DMPK: variants seen among roughly 807,000 people sequenced by gnomAD.
DMPK encodes the protein DM1 protein kinase.
Under a neutral mutation model 70.3 loss-of-function variants are expected in DMPK, and 32 were observed. The ratio of observed to expected loss-of-function variants is 0.46; its 90% CI spans 0.34 to 0.61. The LOEUF (loss-of-function observed/expected upper bound fraction) is 0.61, where lower values mean the gene tolerates loss of function less well. Ranked by LOEUF, DMPK falls within the 20% of genes least tolerant of loss-of-function variation. The pLI is 0.01. For synonymous variants in DMPK, 469 were observed against 390.9 expected (o/e 1.20, Z -2.36); for missense variants, 899 against 886.0 (o/e 1.01, Z -0.19).
At position 45,777,847 on chromosome 19, in the gene DMPK, G is replaced by T; in HGVS notation, c.702C>A (p.Thr234=). The change falls in exon 7 of 15, where the codon ACC becomes ACA. Residue 234 remains threonine (T), a synonymous_variant. Transcript: ENST00000291270. This position sits in a 1 kb window ranked among gnomAD's most constrained non-coding sequence, Gnocchi z 6.7. ...GTVRSLVAVG[T]PDYLSPEILQ... ...GGATCTCGGGGGACAGGTAGTCTGG[G>T]GTGCCCACAGCCACCAGCGACCGCA... 1 of 1,610,294 alleles carries T rather than the reference G, an allele frequency of 6.2e-7. No individual in the cohort carries two copies.
Position 45,782,372 on chromosome 19 carries a change from G to A in DMPK, c.-20C>T. 6.5e-7 allele frequency: 1 copy of A among 1,545,930 alleles called. No individual in the cohort carries two copies. The highest frequency in any genetic ancestry group is 8.7e-7 in the Non-Finnish European group (1 of 1,145,562). ...TGACATGTTGGACAGGCAGCACCAT[G>A]GCCCCTCCCCGGGCCGGGGGCTCGG... On this transcript the variant is annotated 5_prime_UTR_variant, in exon 1 of 15. Transcript: ENST00000291270.
chr19:45,782,456 G>A lies in DMPK; in HGVS notation c.-104C>T. 7.6e-7 allele frequency: 1 copy of A among 1,307,234 alleles called. No individual in the cohort carries two copies. The highest frequency in any genetic ancestry group is 2.7e-5 in the East Asian group (1 of 37,340). 81.0% of individuals were successfully genotyped at this position (1,307,234 alleles called of 1,614,324 possible). ...CCAGGCCCTGGAGCCCTGGCTGCATGTCTGCCTGTCCCTGGCTGTCCCCTG... is the reference window on the plus strand; with the variant it reads ...CCAGGCCCTGGAGCCCTGGCTGCATATCTGCCTGTCCCTGGCTGTCCCCTG... On this transcript the variant is annotated 5_prime_UTR_variant, in exon 1 of 15. Coordinates refer to ENST00000291270, the MANE Select transcript of DMPK (RefSeq NM_004409.5).
In DMPK at chr19:45,778,160, G is replaced by A. The variant is rs367743734; in HGVS notation, c.642C>T (p.Phe214=). 1.2e-4 allele frequency: 194 copies of A among 1,613,464 alleles called. No individual in the cohort carries two copies. The highest frequency in any genetic ancestry group is 2.2e-4 in the Admixed American group (13 of 59,954). ...CTGCCCGCAGCTTGAGGCAAGAGCC[G>A]AAGTCGGCCAGGCGGATGTGGCCAC... The part of the protein sequence containing the change: ...DRCGHIRLAD[F]GSCLKLRADG... Residue 214 remains phenylalanine (F), a synonymous_variant, in exon 6 of 15, where the codon TTC becomes TTT. Transcript: ENST00000291270.
Position 45,771,676 on chromosome 19 carries a change from G to T in DMPK, c.1503-11C>A, listed in dbSNP as rs759063685. 1.2e-6 allele frequency: 2 copies of T among 1,613,800 alleles called. No individual in the cohort carries two copies. Reference sequence around the variant, plus strand: ...GCCTCGCGTAGTTGACTGTGGGGAGGTAAGGACGGTGAGTCCGTCCGGGCC... The same window carrying T: ...GCCTCGCGTAGTTGACTGTGGGGAGTTAAGGACGGTGAGTCCGTCCGGGCC... On this transcript the variant is annotated splice_polypyrimidine_tract_variant and intron_variant, in intron 11 of 14. Transcript: ENST00000291270.
At chr19:45,773,438 G>A (rs1045842737) in intron 9 of DMPK, among the ~76,000 whole-genome samples, 1 of 152,146 alleles carries the variant, frequency 6.6e-6, no homozygotes, top group African/African-American at 2.4e-5. Context: ...AGTAATAAAA[G>A]CTGACTAGAA....
intron 6 of DMPK, 107 bp downstream of exon 6, chr19:45,778,020 G>T: frequency 1.6e-6 from 2 of 1,235,654 alleles, no homozygotes; most frequent in Non-Finnish European, 2.3e-6. Flanking sequence ...TTAAGCCTGG[G>T]TCACACCACC....
At chr19:45,781,744 G>A (rs1442790848) in intron 1 of DMPK, among the ~76,000 whole-genome samples, 1 of 152,174 alleles carries the variant, frequency 6.6e-6, no homozygotes, top group Non-Finnish European at 1.5e-5. Flanking sequence ...CCTGCCTGTC[G>A]GCTGCGCCCC....
At position 45,776,513 on chromosome 19, in the gene DMPK, G is replaced by T. The variant is rs776994468; in HGVS notation, c.1146+814C>A. The stretch of plus-strand genomic sequence containing the variant: ...GAGTCTCTCTCCGTTGCCCAGGCTG[G>T]AGTGCAGTGGCACAATCACAGCTCA... On this transcript the variant is annotated intron_variant, in intron 8 of 14. Transcript: ENST00000291270. The T allele has an allele frequency of 8.3e-4, 130 of 156,410 alleles. 1 individual carries two copies. The highest frequency in any genetic ancestry group is 1.6e-3 in the Non-Finnish European group (114 of 70,390). 9.7% of individuals were successfully genotyped at this position (156,410 alleles called of 1,614,324 possible).
At position 45,770,562 on chromosome 19, in the gene DMPK, A is replaced by C; in HGVS notation, c.1816T>G (p.Cys606Gly). Residue 606 changes from cysteine to glycine, a missense_variant, in exon 15 of 15, where the codon TGC becomes GGC. Cys to Gly is a radical substitution (Grantham distance 159). This residue lies in a region of DMPK where 555 missense variants were observed against 483.8 expected (regional missense o/e 1.15). Transcript: ENST00000291270. ...CCGGCGTGGGCCACCAACCCAATGC[A>C]GCCCAGGGCGGCGGCACGAGACAGA... ...VVLSRAAALG[C>G]IGLVAHAGQL... The C allele has an allele frequency of 6.4e-7, 1 of 1,551,296 alleles. No individual in the cohort carries two copies. The highest frequency in any genetic ancestry group is 8.7e-7 in the Non-Finnish European group (1 of 1,147,190).
In DMPK at chr19:45,777,662, C is replaced by T. The variant is rs751225267; in HGVS notation, c.882+5G>A. ...GAGGCCAGGTCTCCCTGCGGCCGTG[C>T]TCACCTTGTAGTGGACGATCTTGCC... On this transcript the variant is annotated splice_donor_5th_base_variant and intron_variant, in intron 7 of 14. Coordinates refer to ENST00000291270, the MANE Select transcript of DMPK (RefSeq NM_004409.5). This position sits in a 1 kb window ranked among gnomAD's most constrained non-coding sequence, Gnocchi z 6.7. The T allele has an allele frequency of 1.2e-6, 2 of 1,613,952 alleles. No homozygotes were observed. The highest frequency in any genetic ancestry group is 1.7e-6 in the Non-Finnish European group (2 of 1,180,024).
At position 45,782,476 on chromosome 19, in the gene DMPK, C is replaced by A; in HGVS notation, c.-124G>T. The A allele has an allele frequency of 8.8e-7, 1 of 1,135,706 alleles. No homozygotes were observed. The highest frequency in any genetic ancestry group is 1.2e-6 in the Non-Finnish European group (1 of 833,894). The allele number at this position is 1,135,706 out of a possible 1,614,324, so 70.4% of individuals were successfully genotyped here. ...TGCATGTCTGCCTGTCCCTGGCTGTCCCCTGGGCCTCTCTGGCCACTTCTC... is the reference window on the plus strand; with the variant it reads ...TGCATGTCTGCCTGTCCCTGGCTGTACCCTGGGCCTCTCTGGCCACTTCTC... On this transcript the variant is annotated 5_prime_UTR_variant, in exon 1 of 15. Coordinates refer to ENST00000291270, the MANE Select transcript of DMPK (RefSeq NM_004409.5).
At chr19:45,781,406 G>A (rs1028180463) in intron 1 of DMPK, among the ~76,000 whole-genome samples, 12 of 152,124 alleles carry the variant, frequency 7.9e-5, no homozygotes, top group African/African-American at 2.4e-4. Flanking sequence ...GCCCTTGCAA[G>A]AAGGGGTTTT....
At chr19:45,781,752 C>CCCTGGCAGCTGCCCCATGCTGGCCCT (rs1970133151) in intron 1 of DMPK, among the ~76,000 whole-genome samples, 1 of 152,222 alleles carries the variant, frequency 6.6e-6, no homozygotes, top group Non-Finnish European at 1.5e-5. Context: ...TCGGCTGCGC[C>CCCTGGCAGCTGCCCCATGCTGGCCCT]CCTGGCAGCT....
chr19:45,782,441 G>C lies in DMPK; in HGVS notation c.-89C>G. ...CCTGGCAGCCCCTGTCCAGGCCCTG[G>C]AGCCCTGGCTGCATGTCTGCCTGTC... On this transcript the variant is annotated 5_prime_UTR_variant, in exon 1 of 15. Transcript: ENST00000291270. The C allele has an allele frequency of 7.3e-7, 1 of 1,374,712 alleles. No homozygotes were observed. Among genetic ancestry groups the C allele is most frequent in the Non-Finnish European group, 9.6e-7 (1 of 1,045,414 alleles). 85.2% of individuals were successfully genotyped at this position (1,374,712 alleles called of 1,614,324 possible).
At chr19:45,780,498 T>G in intron 1 of DMPK, 1 of 1,120,230 alleles carries the variant, frequency 8.9e-7, no homozygotes. Flanking sequence ...GTCCTACCCC[T>G]TATTTACAGA....
At position 45,782,258 on chromosome 19, in the gene DMPK, A is replaced by G; in HGVS notation, c.95T>C (p.Val32Ala). 1 of 1,607,586 alleles carries G rather than the reference A, an allele frequency of 6.2e-7. No individual in the cohort carries two copies. The highest frequency in any genetic ancestry group is 8.5e-7 in the Non-Finnish European group (1 of 1,178,420). ...LEPLLDLLLG[V>A]HQELGASELA... The stretch of plus-strand genomic sequence containing the variant: ...TTCGGAGGCGCCCAGCTCCTGGTGG[A>G]CGCCCAGGAGAAGGTCGAGCAGGGG... The change falls in exon 1 of 15, where the codon GTC (valine) becomes GCC (alanine). Residue 32 changes from valine to alanine, a missense_variant. Val to Ala is a moderately conservative substitution (Grantham distance 64, BLOSUM62 0). This residue lies in a region of DMPK where 149 missense variants were observed against 142.5 expected (regional missense o/e 1.05). Coordinates refer to ENST00000291270, the MANE Select transcript of DMPK (RefSeq NM_004409.5).
chr19:45,771,157 T>C (rs769315469), intron 13 of DMPK, 97 bp from the exon 14 acceptor site: 14 of 1,187,218 alleles, frequency 1.2e-5, no homozygotes, highest in Non-Finnish European at 1.6e-5. Flanking sequence ...GGGGAGGTTA[T>C]CTAGGGAGAT....
At chr19:45,780,697 GGAGAGGAGACAGTGGGTTCTGGAGGAAA>G (rs992464594) in intron 1 of DMPK, 2 of 790,386 alleles carry the variant, frequency 2.5e-6, no homozygotes, top group Non-Finnish European at 3.1e-6. Flanking sequence ...GGGGAGGGAA[GGAGAGGAGACAGTGGGTTCTGGAGGAAA>G]GAGAGGGGTT....
rs753911237 is a variant in DMPK, at chr19:45,772,706, G to C, written c.1279C>G (p.Gln427Glu). 6.6e-7 allele frequency: 1 copy of C among 1,520,924 alleles called. No homozygotes were observed. Among genetic ancestry groups the C allele is most frequent in the Non-Finnish European group, 8.7e-7 (1 of 1,146,140 alleles). The allele number at this position is 1,520,924 out of a possible 1,614,324, so 94.2% of individuals were successfully genotyped here. Residue 427 changes from glutamine to glutamate, a missense_variant, in exon 10 of 15, where the codon CAG becomes GAG. Gln to Glu is a conservative substitution (Grantham distance 29, BLOSUM62 2). This residue lies in a region of DMPK where 555 missense variants were observed against 483.8 expected (regional missense o/e 1.15). Transcript: ENST00000291270. The part of the protein sequence containing the change: ...GPTPMELEAE[Q>E]LLEPHVQAPS... ...GCTTGCACGTGTGGCTCAAGCAGCT[G>C]CTCGGCCTCCAGTTCCATGGGTGTG...
Sources: gnomAD v4.1 joint callset for allele counts (sites outside exome capture counted in the v4.1 genomes callset) on GRCh38, gnomAD v4.1.1 for gene constraint, gnomAD v4.1.1 regional missense constraint, Gnocchi (gnomAD v3.1) non-coding constraint, MANE v1.5 for transcripts, NCBI Gene and HGNC (gene_info 2026-07-23, HGNC 2026-07-21) for gene names.